UBE2D3: variants seen among roughly 807,000 people sequenced by gnomAD.
The protein encoded by UBE2D3 is ubiquitin conjugating enzyme E2 D3, also known as ubiquitin-conjugating enzyme E2 D3.
UBE2D3 carries 2 observed loss-of-function variants against 22.8 expected under a neutral mutation model. The observed-to-expected ratio is 0.09, with a 90% confidence interval of 0.04 to 0.28. The LOEUF is 0.28. Among genes scored for constraint, UBE2D3 ranks in the 10% least tolerant of loss-of-function variants. UBE2D3 has a pLI of 1.00. For synonymous variants in UBE2D3, 56 were observed against 60.4 expected, an observed-to-expected ratio of 0.93 and a Z score of 0.34; for missense variants, 27 against 182.5, an observed-to-expected ratio of 0.15 and a Z score of 4.91.
In UBE2D3 at chr4:102,821,520, G is replaced by A. The variant is rs555478123; in HGVS notation, c.24+4965C>T. 7.2e-5 allele frequency among the ~76,000 whole-genome samples: 11 copies of A among 152,188 alleles called. No homozygotes were observed. The South Asian group carries it at 2.3e-3, about 32-fold the overall frequency. On this transcript the variant is annotated intron_variant, in intron 2 of 7. Transcript: ENST00000453744. ...TGTATCTGTGGTTCTTAATCAGAGA[G>A]GAGCTTCAGAATCACCTAGAAAATT...
At chr4:102,866,054 G>C (rs1211433781) in intron 1 of UBE2D3, among the ~76,000 whole-genome samples, 1 of 152,140 alleles carries the variant, frequency 6.6e-6, no homozygotes, top group Non-Finnish European at 1.5e-5. Context: ...TTGTGGAAAT[G>C]AAATACAAAT....
intron 1 of UBE2D3, among the ~76,000 whole-genome samples, chr4:102,862,522 T>TCA (rs1732947034): frequency 6.7e-6 from 1 of 148,246 alleles, no homozygotes; most frequent in Non-Finnish European, 1.5e-5. Context: ...TTCTTATACC[T>TCA]TGATCAAATG....
At chr4:102,822,443 A>G (rs1729764489) in intron 2 of UBE2D3, among the ~76,000 whole-genome samples, 1 of 152,156 alleles carries the variant, frequency 6.6e-6, no homozygotes, top group Non-Finnish European at 1.5e-5. Flanking sequence ...GGCACATGTT[A>G]GTTTTCAGTG....
intron 2 of UBE2D3, among the ~76,000 whole-genome samples, chr4:102,823,104 G>A (rs547249001): frequency 5.3e-5 from 8 of 152,126 alleles, no homozygotes; most frequent in Non-Finnish European, 8.8e-5. Flanking sequence ...TGGTTGTCTT[G>A]AGGATTAAAT....
intron 2 of UBE2D3, among the ~76,000 whole-genome samples, chr4:102,823,551 G>C (rs1035343894): frequency 6.6e-6 from 1 of 152,122 alleles, no homozygotes; most frequent in Admixed American, 6.5e-5. Context: ...TATTCTTTTA[G>C]GCTTGGTTCA....
intron 1 of UBE2D3, 54 bp downstream of exon 1, chr4:102,827,373 C>T (rs1270650637): frequency 2.0e-6 from 2 of 985,838 alleles, no homozygotes; most frequent in East Asian, 1.1e-4. Context: ...CTTACCCGGC[C>T]GGCCACTGGG....
chr4:102,802,889 G>A (rs551192686), intron 4 of UBE2D3, among the ~76,000 whole-genome samples: 1 of 152,046 alleles, frequency 6.6e-6, no homozygotes, highest in African/African-American at 2.4e-5. Flanking sequence ...ATCCAGAAAC[G>A]CAAGTATTCT....
At chr4:102,798,226 TC>T (rs1282563162) in intron 7 of UBE2D3, among the ~76,000 whole-genome samples, 3 of 128,544 alleles carry the variant, frequency 2.3e-5, no homozygotes, top group African/African-American at 9.6e-5. Flanking sequence ...TGGATTATAC[TC>T]ATGCCATAGA....
upstream of UBE2D3, chr4:102,827,813 G>C (rs1730830917): frequency 1.0e-6 from 1 of 986,570 alleles, no homozygotes; most frequent in Non-Finnish European, 1.2e-6. Flanking sequence ...GAGGGTGAAC[G>C]AGTGGCGGAA....
intron 2 of UBE2D3, chr4:102,811,108 G>A (rs538438165): frequency 6.6e-6 from 1 of 152,344 alleles, no homozygotes; most frequent in Admixed American, 6.5e-5. Context: ...CTAACACCCT[G>A]GGAGGCAAAG....
chr4:102,845,067 A>T (rs546985967), intron 1 of UBE2D3, among the ~76,000 whole-genome samples: 4 of 149,994 alleles, frequency 2.7e-5, no homozygotes, highest in Admixed American at 1.3e-4. Context: ...GGCCAATATG[A>T]CGAAACCCCA....
upstream of UBE2D3, among the ~76,000 whole-genome samples, chr4:102,831,015 A>T (rs143327945): frequency 1.3e-5 from 2 of 152,358 alleles, no homozygotes; most frequent in East Asian, 3.9e-4. Context: ...GAATAAACAT[A>T]ATTAACAGAT....
chr4:102,845,280 C>G (rs1475837338), intron 1 of UBE2D3, among the ~76,000 whole-genome samples: 1 of 152,170 alleles, frequency 6.6e-6, no homozygotes, highest in Non-Finnish European at 1.5e-5. Context: ...TGAATGGTCA[C>G]TGGTCCCTAT....
At chr4:102,839,743 G>T (rs1334505081) in intron 1 of UBE2D3, among the ~76,000 whole-genome samples, 1 of 152,194 alleles carries the variant, frequency 6.6e-6, no homozygotes, top group Non-Finnish European at 1.5e-5. Context: ...TCTAGGCAAA[G>T]ATTTTATGGC....
intron 2 of UBE2D3, among the ~76,000 whole-genome samples, chr4:102,823,316 C>G (rs879628960): frequency 2.6e-5 from 4 of 152,140 alleles, no homozygotes; most frequent in Non-Finnish European, 5.9e-5. Context: ...TTCTTAACCT[C>G]TATGCCTAAG....
chr4:102,868,614 G>A (rs1733293962), intron 1 of UBE2D3: 18 of 1,472,916 alleles, frequency 1.2e-5, no homozygotes, highest in Non-Finnish European at 1.7e-5. Flanking sequence ...GTAGGGGGAG[G>A]ATACTCATGG....
intron 1 of UBE2D3, 140 bp from the exon 2 acceptor site, chr4:102,826,776 C>T: frequency 7.9e-7 from 1 of 1,270,818 alleles, no homozygotes; most frequent in Non-Finnish European, 9.9e-7. Context: ...ACCGTGCTTT[C>T]GGCCCGAAGT....
chr4:102,813,379 T>C (rs1419506633), intron 2 of UBE2D3, among the ~76,000 whole-genome samples: 1 of 152,248 alleles, frequency 6.6e-6, no homozygotes, highest in Non-Finnish European at 1.5e-5. Flanking sequence ...TGTACATTTT[T>C]AATTGTAAAA....
chr4:102,866,503 G>C (rs1733150786), intron 1 of UBE2D3, among the ~76,000 whole-genome samples: 1 of 152,164 alleles, frequency 6.6e-6, no homozygotes, highest in Non-Finnish European at 1.5e-5. Context: ...ATTGATGTGG[G>C]TGGTGGTTAC....
Sources: allele counts gnomAD v4.1 joint callset (sites outside exome capture counted in the v4.1 genomes callset), GRCh38; gene constraint gnomAD v4.1.1; transcripts MANE v1.5; gene names NCBI Gene and HGNC (gene_info 2026-07-23, HGNC 2026-07-21).